GLI2: variants seen among roughly 807,000 people sequenced by gnomAD.
GLI2 encodes transcription activator GLI2.
GLI2 carries 22 observed loss-of-function variants against 78.9 expected under a neutral mutation model. That is an observed-to-expected ratio of 0.28 (90% CI 0.20 to 0.40). The LOEUF (loss-of-function observed/expected upper bound fraction) is 0.40. GLI2 is among the 10% of genes least tolerant of loss of function. The pLI is 1.00. For synonymous variants in GLI2, 974 were observed against 963.7 expected, an observed-to-expected ratio of 1.01 and a Z score of -0.20; for missense variants, 2,097 against 2,213.2, an observed-to-expected ratio of 0.95 and a Z score of 1.05.
intron 3 of GLI2, among the ~76,000 whole-genome samples, chr2:120,930,029 G>A (rs879930283): frequency 2.6e-5 from 4 of 152,226 alleles, no homozygotes; most frequent in African/African-American, 7.2e-5. Context: ...TCCATGACAC[G>A]GATCCTGGGC....
At chr2:120,982,928 A>G in intron 11 of GLI2, 48 bp downstream of exon 11, 6 of 1,579,930 alleles carry the variant, frequency 3.8e-6, no homozygotes, top group Non-Finnish European at 5.2e-6. Flanking sequence ...GGCCCCACTG[A>G]CGCCCCATGG....
At chr2:120,968,654 A>C (rs1297898614) in intron 5 of GLI2, 60 bp from the exon 6 acceptor site, 26 of 1,107,654 alleles carry the variant, frequency 2.3e-5, no homozygotes, top group Non-Finnish European at 2.2e-5. Flanking sequence ...CCCCACCCAC[A>C]TGTCACCCCC....
chr2:120,820,656 CTG>C (rs1279629534), intron 2 of GLI2, among the ~76,000 whole-genome samples: 4 of 152,200 alleles, frequency 2.6e-5, no homozygotes, highest in Non-Finnish European at 5.9e-5. Context: ...CCCTGTGTGT[CTG>C]TGTTTCTTCT....
At chr2:120,951,869 G>A (rs537697832) in intron 4 of GLI2, 1 of 158,206 alleles carries the variant, frequency 6.3e-6, no homozygotes, top group East Asian at 1.8e-4. Context: ...GTTAACGCAG[G>A]AGGCCTCCAA....
At chr2:120,807,338 G>A (rs978648241) in intron 2 of GLI2, among the ~76,000 whole-genome samples, 7 of 152,096 alleles carry the variant, frequency 4.6e-5, no homozygotes, top group Admixed American at 1.3e-4. Context: ...ATCTTTGGAG[G>A]GCTAGGCTGA....
intron 1 of GLI2, among the ~76,000 whole-genome samples, chr2:120,745,464 C>T (rs1682666263): frequency 6.6e-6 from 1 of 152,168 alleles, no homozygotes; most frequent in Non-Finnish European, 1.5e-5. Flanking sequence ...GAAGAGGATG[C>T]TGTGTGGTGG....
intron 6 of GLI2, among the ~76,000 whole-genome samples, chr2:120,969,636 C>A (rs1030047123): frequency 6.6e-6 from 1 of 152,264 alleles, no homozygotes; most frequent in African/African-American, 2.4e-5. Flanking sequence ...AGGCTGAGCT[C>A]CGGCTCTCTC....
intron 2 of GLI2, among the ~76,000 whole-genome samples, chr2:120,799,009 T>G (rs1684555874): frequency 6.6e-6 from 1 of 152,206 alleles, no homozygotes; most frequent in Non-Finnish European, 1.5e-5. Flanking sequence ...GAGTGGATCA[T>G]GAACCACCAT....
At chr2:120,928,726 C>G (rs573522433) in intron 3 of GLI2, among the ~76,000 whole-genome samples, 1 of 152,240 alleles carries the variant, frequency 6.6e-6, no homozygotes, top group African/African-American at 2.4e-5. Context: ...CGGAGCAAAC[C>G]TGGGACTTCT....
At chr2:120,909,565 C>T (rs2104808318) in intron 2 of GLI2, among the ~76,000 whole-genome samples, 1 of 152,288 alleles carries the variant, frequency 6.6e-6, no homozygotes, top group East Asian at 1.9e-4. Context: ...CACACCCCCT[C>T]ATTTATAAAC....
intron 1 of GLI2, among the ~76,000 whole-genome samples, chr2:120,782,599 C>A (rs1683881051): frequency 6.6e-6 from 1 of 152,180 alleles, no homozygotes; most frequent in Admixed American, 6.5e-5. Flanking sequence ...GTGAGACCTC[C>A]ATCCCTGGGA....
At chr2:120,787,624 C>G (rs751436589) in intron 1 of GLI2, among the ~76,000 whole-genome samples, 5 of 152,212 alleles carry the variant, frequency 3.3e-5, no homozygotes, top group African/African-American at 4.8e-5. Context: ...GTTTTTCCTC[C>G]ACACTCAGGA....
At chr2:120,905,394 C>T (rs574343922) in intron 2 of GLI2, among the ~76,000 whole-genome samples, 129 of 152,272 alleles carry the variant, frequency 8.5e-4, no homozygotes, top group African/African-American at 3.0e-3. Flanking sequence ...GCCAGCGTGC[C>T]GACTTCCAGC....
intron 3 of GLI2, among the ~76,000 whole-genome samples, chr2:120,928,110 C>T (rs1029943545): frequency 2.0e-5 from 3 of 152,160 alleles, no homozygotes; most frequent in African/African-American, 7.2e-5. Flanking sequence ...CATCCGTCCT[C>T]CTTCCAGGAA....
At chr2:120,812,763 C>T (rs1304423632) in intron 2 of GLI2, among the ~76,000 whole-genome samples, 1 of 152,174 alleles carries the variant, frequency 6.6e-6, no homozygotes, top group Non-Finnish European at 1.5e-5. Flanking sequence ...TTTCCTGGAA[C>T]TTTTTCTCCT....
intron 2 of GLI2, among the ~76,000 whole-genome samples, chr2:120,896,667 C>A (rs1214089749): frequency 0.11 from 2,234 of 19,742 alleles, 60 homozygotes; most frequent in African/African-American, 0.28. Flanking sequence ...ACACATACAC[C>A]CACCCCCCCA....
chr2:120,746,615 G>A lies in GLI2; in HGVS notation c.-31+10330G>A, dbSNP rs148047975. The stretch of plus-strand genomic sequence containing the variant: ...CTGGGCTCTGGTCTCTGTATTCAAG[G>A]TCTGGACTCTGGTTTAGCACTTGGA... On this transcript the variant is annotated intron_variant, in intron 1 of 13. Transcript: ENST00000361492. 3.4e-3 allele frequency among the ~76,000 whole-genome samples: 515 copies of A among 152,156 alleles called. 3 individuals carry two copies. The highest frequency in any genetic ancestry group is 0.012 in the African/African-American group (484 of 41,514).
At chr2:120,894,609 T>TGGG (rs369826609) in intron 2 of GLI2, among the ~76,000 whole-genome samples, 5 of 148,216 alleles carry the variant, frequency 3.4e-5, no homozygotes, top group African/African-American at 1.3e-4. Context: ...CATTAACCCT[T>TGGG]GGGGGGGGGT....
At chr2:120,770,809 T>C (rs935878250) in intron 1 of GLI2, among the ~76,000 whole-genome samples, 2 of 152,138 alleles carry the variant, frequency 1.3e-5, no homozygotes, top group African/African-American at 4.8e-5. Context: ...ATAATGATTA[T>C]GTTTGGGCTC....
Sources: gnomAD v4.1 joint callset for allele counts (sites outside exome capture counted in the v4.1 genomes callset) on GRCh38, gnomAD v4.1.1 for gene constraint, MANE v1.5 for transcripts, NCBI Gene and HGNC (gene_info 2026-07-23, HGNC 2026-07-21) for gene names.